CHD7: variants seen among roughly 807,000 people sequenced by gnomAD.
CHD7 encodes the protein chromodomain helicase DNA binding protein 7.
In CHD7, 24 loss-of-function variants were observed where a neutral mutation model predicts 307.3. That is an observed-to-expected ratio of 0.08 (90% CI 0.06 to 0.11). CHD7 has a LOEUF of 0.11. CHD7 is among the 10% of genes least tolerant of loss of function. The pLI is 1.00. For missense variants in CHD7, 3,106 were observed against 3,727.1 expected (o/e 0.83, Z 4.34); for synonymous variants, 1,363 against 1,349.9 (o/e 1.01, Z -0.21).
At chr8:60,727,413 G>T (rs1253638239) in intron 1 of CHD7, among the ~76,000 whole-genome samples, 1 of 152,186 alleles carries the variant, frequency 6.6e-6, no homozygotes, top group Non-Finnish European at 1.5e-5. Context: ...ACAGGCATGA[G>T]CCACTGCACC....
At chr8:60,761,010 A>G (rs1313131767) in intron 2 of CHD7, among the ~76,000 whole-genome samples, 1 of 152,186 alleles carries the variant, frequency 6.6e-6, no homozygotes, top group African/African-American at 2.4e-5. Context: ...CCAAAGGACT[A>G]TAAATCATGC....
At chr8:60,766,587 A>C (rs1294554321) in intron 2 of CHD7, among the ~76,000 whole-genome samples, 1 of 152,238 alleles carries the variant, frequency 6.6e-6, no homozygotes, top group East Asian at 1.9e-4. Flanking sequence ...CAGTGGGGAC[A>C]GGCCACTAGG....
chr8:60,795,055 T>C lies in CHD7; in HGVS notation c.2166T>C (p.Ser722=), dbSNP rs1232524301. Residue 722 remains serine, a synonymous_variant, in exon 4 of 38, where the codon TCT becomes TCC. Transcript: ENST00000423902. ...TCAACAAGGGAAAAACAGAAGGTTCTGAAAATTCAGACTTAGACAAAACAC... is the reference window on the plus strand; with the variant it reads ...TCAACAAGGGAAAAACAGAAGGTTCCGAAAATTCAGACTTAGACAAAACAC... ...KKVNKGKTEG[S]ENSDLDKTPP... 7.4e-6 allele frequency: 12 copies of C among 1,613,900 alleles called. No homozygotes were observed. The highest frequency in any genetic ancestry group is 9.3e-6 in the Non-Finnish European group (11 of 1,179,798).
At chr8:60,704,641 C>T (rs1031213020) in intron 1 of CHD7, among the ~76,000 whole-genome samples, 16 of 150,382 alleles carry the variant, frequency 1.1e-4, no homozygotes, top group East Asian at 3.9e-4. Flanking sequence ...TGGTGTGGTC[C>T]GGCTGTAAGC....
intron 1 of CHD7, among the ~76,000 whole-genome samples, chr8:60,704,102 A>G (rs1806898993): frequency 6.6e-6 from 1 of 152,112 alleles, no homozygotes; most frequent in Non-Finnish European, 1.5e-5. Flanking sequence ...ACCTACTCAT[A>G]GAAAAATTTC....
At chr8:60,714,874 C>T (rs2150531233) in intron 1 of CHD7, among the ~76,000 whole-genome samples, 1 of 152,354 alleles carries the variant, frequency 6.6e-6, no homozygotes, top group African/African-American at 2.4e-5. Flanking sequence ...CTGTTGCTGA[C>T]ATAGCTCTAT....
Position 60,741,961 on chromosome 8 carries a change from C to A in CHD7, c.529C>A (p.Pro177Thr). The stretch of plus-strand genomic sequence containing the variant: ...GCCACCGCAGCCGGCTCCGTCGGGG[C>A]CCCCTGCACAGGGCCACCCTCAGCA... ...PQPPQPAPSG[P>T]PAQGHPQHMQ... The change falls in exon 2 of 38, where the codon CCC becomes ACC. Residue 177 changes from proline to threonine, a missense_variant. Physicochemically the swap from Pro to Thr is conservative, Grantham distance 38. Transcript: ENST00000423902. The A allele has an allele frequency of 6.2e-7, 1 of 1,613,528 alleles. No individual in the cohort carries two copies. Among genetic ancestry groups the A allele is most frequent in the African/African-American group, 1.3e-5 (1 of 75,036 alleles).
At chr8:60,784,348 A>C (rs906284914) in intron 3 of CHD7, among the ~76,000 whole-genome samples, 2 of 152,198 alleles carry the variant, frequency 1.3e-5, no homozygotes, top group Non-Finnish European at 2.9e-5. Flanking sequence ...TCCTACAGAG[A>C]GCTAAAATAG....
chr8:60,718,997 T>C (rs1001038336), intron 1 of CHD7, among the ~76,000 whole-genome samples: 9 of 152,260 alleles, frequency 5.9e-5, no homozygotes, highest in Admixed American at 5.9e-4. Context: ...GGCTGTATCA[T>C]GTTGCCTAGG....
At chr8:60,698,436 T>C (rs774832791) in intron 1 of CHD7, among the ~76,000 whole-genome samples, 1 of 152,190 alleles carries the variant, frequency 6.6e-6, no homozygotes, top group Non-Finnish European at 1.5e-5. Context: ...AATTTAAAGA[T>C]TTCTCAAATA....
intron 15 of CHD7, among the ~76,000 whole-genome samples, chr8:60,832,272 A>G (rs1804553580): frequency 6.6e-6 from 1 of 151,992 alleles, no homozygotes; most frequent in South Asian, 2.1e-4. Context: ...TGATCTGCCT[A>G]CCTCAGCCTC....
At chr8:60,728,883 T>C (rs1225138586) in intron 1 of CHD7, among the ~76,000 whole-genome samples, 3 of 152,204 alleles carry the variant, frequency 2.0e-5, no homozygotes, top group African/African-American at 7.2e-5. Flanking sequence ...ACTTATGTTA[T>C]AGGGGTTTGT....
intron 19 of CHD7, among the ~76,000 whole-genome samples, chr8:60,841,241 G>A (rs1302180475): frequency 2.6e-5 from 4 of 152,172 alleles, no homozygotes; most frequent in African/African-American, 4.8e-5. Context: ...TACTCTCTGT[G>A]CCTTGGCACA....
At chr8:60,794,551 T>C (rs1012598670) in intron 3 of CHD7, among the ~76,000 whole-genome samples, 6 of 152,174 alleles carry the variant, frequency 3.9e-5, no homozygotes, top group Admixed American at 6.5e-5. Flanking sequence ...GAGGATACCT[T>C]CTAGTACTGG....
intron 1 of CHD7, among the ~76,000 whole-genome samples, chr8:60,687,420 T>A (rs1178181468): frequency 2.6e-5 from 4 of 152,346 alleles, no homozygotes; most frequent in East Asian, 1.9e-4. Flanking sequence ...AATAATTTTT[T>A]AAAAGTCTCT....
intron 1 of CHD7, among the ~76,000 whole-genome samples, chr8:60,724,506 G>A (rs1389868080): frequency 1.3e-5 from 2 of 152,214 alleles, no homozygotes; most frequent in Non-Finnish European, 2.9e-5. Context: ...AGCCTTGTGA[G>A]GGAGGTGGTG....
intron 15 of CHD7, among the ~76,000 whole-genome samples, chr8:60,835,189 A>T (rs1012582065): frequency 1.1e-4 from 16 of 152,214 alleles, no homozygotes; most frequent in African/African-American, 3.6e-4. Flanking sequence ...CCACCTAAGC[A>T]GTTGAAGGAA....
At chr8:60,849,237 T>A in intron 25 of CHD7, 83 bp downstream of exon 25, 1 of 846,040 alleles carries the variant, frequency 1.2e-6, no homozygotes, top group Non-Finnish European at 1.9e-6. Context: ...TTTTCCAAAG[T>A]CATAATATTA....
intron 1 of CHD7, among the ~76,000 whole-genome samples, chr8:60,708,151 T>C (rs1215142721): frequency 2.6e-5 from 4 of 152,188 alleles, no homozygotes; most frequent in Non-Finnish European, 5.9e-5. Context: ...GACATGAAGA[T>C]GCCCAAGGAG....
Sources: allele counts gnomAD v4.1 joint callset (sites outside exome capture counted in the v4.1 genomes callset), GRCh38; gene constraint gnomAD v4.1.1; transcripts MANE v1.5; gene names NCBI Gene and HGNC (gene_info 2026-07-23, HGNC 2026-07-21).